Variants in CNTNAP2 observed in about 807,000 individuals in gnomAD.
CNTNAP2 encodes contactin-associated protein-like 2.
In CNTNAP2, 98 loss-of-function variants were observed where a neutral mutation model predicts 155.2. The observed-to-expected ratio is 0.63, with a 90% CI of 0.54 to 0.75. The LOEUF (loss-of-function observed/expected upper bound fraction) is 0.75, where lower values mean the gene tolerates loss of function less well. CNTNAP2 is among the 30% of genes least tolerant of loss of function. CNTNAP2 has a pLI of 0.00. For synonymous variants in CNTNAP2, 651 were observed against 631.2 expected (o/e 1.03, Z -0.47); for missense variants, 1,727 against 1,688.1 (o/e 1.02, Z -0.40).
At chr7:147,187,378 G>A (rs773162215) in intron 8 of CNTNAP2, among the ~76,000 whole-genome samples, 11 of 152,098 alleles carry the variant, frequency 7.2e-5, no homozygotes, top group Non-Finnish European at 1.6e-4. Context: ...CCCATCAACG[G>A]TAGACTGGTT....
chr7:147,587,220 C>T (rs1441949606), intron 12 of CNTNAP2, among the ~76,000 whole-genome samples: 3 of 152,148 alleles, frequency 2.0e-5, no homozygotes, highest in Non-Finnish European at 2.9e-5. Context: ...GAATTAGCGT[C>T]GTGAATAAGA....
intron 1 of CNTNAP2, among the ~76,000 whole-genome samples, chr7:146,292,269 A>G (rs1219968232): frequency 6.6e-6 from 1 of 152,076 alleles, no homozygotes; most frequent in Non-Finnish European, 1.5e-5. Context: ...TGAGAACATG[A>G]GATGTTTGAT....
intron 8 of CNTNAP2, among the ~76,000 whole-genome samples, chr7:147,296,186 T>TGCACAGGCAAC (rs1360667531): frequency 1.3e-5 from 2 of 152,186 alleles, no homozygotes; most frequent in African/African-American, 4.8e-5. Context: ...CGTTGATATC[T>TGCACAGGCAAC]TTGAGATCCA....
At chr7:147,272,764 C>A (rs1482878313) in intron 8 of CNTNAP2, among the ~76,000 whole-genome samples, 1 of 151,654 alleles carries the variant, frequency 6.6e-6, no homozygotes, top group Non-Finnish European at 1.5e-5. Context: ...GCCTTGGCCT[C>A]CTAAAGTGCT....
intron 1 of CNTNAP2, among the ~76,000 whole-genome samples, chr7:146,309,985 A>G (rs1351128004): frequency 6.6e-6 from 1 of 152,208 alleles, no homozygotes; most frequent in Non-Finnish European, 1.5e-5. Flanking sequence ...CAATTGTGAC[A>G]TAGAGTTAGT....
intron 22 of CNTNAP2, among the ~76,000 whole-genome samples, chr7:148,397,292 G>A (rs1242058733): frequency 1.3e-5 from 2 of 152,226 alleles, no homozygotes; most frequent in Admixed American, 6.5e-5. Flanking sequence ...CATCCCAGAG[G>A]ATTCCTGGTG....
chr7:146,311,555 G>C (rs1266745361), intron 1 of CNTNAP2, among the ~76,000 whole-genome samples: 1 of 127,766 alleles, frequency 7.8e-6, no homozygotes, highest in Non-Finnish European at 1.5e-5. Context: ...AGAATCCCTC[G>C]AAGCCTGGAG....
intron 14 of CNTNAP2, among the ~76,000 whole-genome samples, chr7:147,952,301 G>GC (rs1800948041): frequency 1.1e-5 from 1 of 90,464 alleles, no homozygotes; most frequent in African/African-American, 3.5e-5. Context: ...AATTAGCTGG[G>GC]TGTGGTGGTG....
chr7:147,925,188 A>AAGGAAGGAAGGAAGGAAGGAAGG (rs1800368516), intron 14 of CNTNAP2, among the ~76,000 whole-genome samples: 3 of 150,108 alleles, frequency 2.0e-5, no homozygotes, highest in African/African-American at 7.4e-5. Context: ...GGAAGGAAGG[A>AAGGAAGGAAGGAAGGAAGGAAGG]AGGAAGGAAG....
chr7:148,229,144 C>T (rs535544933), intron 19 of CNTNAP2, among the ~76,000 whole-genome samples: 37 of 152,228 alleles, frequency 2.4e-4, no homozygotes, highest in African/African-American at 8.4e-4. Context: ...TGCTGTCAGC[C>T]GATATGGGTC....
chr7:146,952,442 G>T (rs909739507), intron 3 of CNTNAP2, among the ~76,000 whole-genome samples: 1 of 151,912 alleles, frequency 6.6e-6, no homozygotes, highest in Non-Finnish European at 1.5e-5. Flanking sequence ...AATCAGGCAA[G>T]GAAAGAAATA....
At chr7:147,721,058 G>T (rs905238119) in intron 13 of CNTNAP2, among the ~76,000 whole-genome samples, 1 of 152,072 alleles carries the variant, frequency 6.6e-6, no homozygotes, top group African/African-American at 2.4e-5. Context: ...TCAGCATTCT[G>T]TGAGATACTG....
intron 3 of CNTNAP2, among the ~76,000 whole-genome samples, chr7:147,031,675 T>C (rs1049695758): frequency 4.6e-5 from 7 of 152,228 alleles, no homozygotes; most frequent in African/African-American, 1.7e-4. Flanking sequence ...CCCAGCACTT[T>C]GGGAGGCCAA....
chr7:146,715,207 T>C (rs1298679472), intron 1 of CNTNAP2, among the ~76,000 whole-genome samples: 1 of 152,114 alleles, frequency 6.6e-6, no homozygotes, highest in Non-Finnish European at 1.5e-5. Flanking sequence ...GGTGGGCACC[T>C]ATAATTCCCA....
At chr7:147,883,142 C>A (rs1241269024) in intron 13 of CNTNAP2, among the ~76,000 whole-genome samples, 1 of 152,072 alleles carries the variant, frequency 6.6e-6, no homozygotes, top group African/African-American at 2.4e-5. Flanking sequence ...TATAGAAAGC[C>A]TTGTGCTAGT....
intron 17 of CNTNAP2, among the ~76,000 whole-genome samples, chr7:148,156,501 A>G (rs1033854387): frequency 1.3e-5 from 2 of 152,030 alleles, no homozygotes; most frequent in Non-Finnish European, 2.9e-5. Flanking sequence ...TAAGCATTGC[A>G]GTGTCACAGA....
intron 13 of CNTNAP2, among the ~76,000 whole-genome samples, chr7:147,837,513 T>G (rs1798653257): frequency 6.6e-6 from 1 of 152,086 alleles, no homozygotes; most frequent in South Asian, 2.1e-4. Context: ...TCAAAACCAA[T>G]TATGCCTTCC....
chr7:146,451,909 T>A (rs1038558598), intron 1 of CNTNAP2, among the ~76,000 whole-genome samples: 13 of 148,684 alleles, frequency 8.7e-5, no homozygotes, highest in African/African-American at 2.5e-4. Flanking sequence ...TTATTTATTA[T>A]TTATTTATTT....
At chr7:147,905,522 G>A (rs1227768843) in intron 14 of CNTNAP2, among the ~76,000 whole-genome samples, 1 of 152,216 alleles carries the variant, frequency 6.6e-6, no homozygotes, top group Non-Finnish European at 1.5e-5. Flanking sequence ...ACACACATGT[G>A]CACACACAAA....
Sources: allele counts gnomAD v4.1 joint callset (sites outside exome capture counted in the v4.1 genomes callset), GRCh38; gene constraint gnomAD v4.1.1; transcripts MANE v1.5; gene names NCBI Gene and HGNC (gene_info 2026-07-23, HGNC 2026-07-21).